Variants in SYBU observed in about 807,000 individuals in gnomAD.
SYBU encodes the protein GOLSYN A protein.
SYBU carries 21 observed loss-of-function variants against 35.9 expected under a neutral mutation model. That is an observed-to-expected ratio of 0.58 (90% CI 0.41 to 0.84). The LOEUF is 0.84. Among genes scored for constraint, SYBU ranks in the 40% least tolerant of loss-of-function variants. The pLI is 0.00. For missense variants in SYBU, 768 were observed against 848.2 expected (o/e 0.91, Z 1.17); for synonymous variants, 319 against 324.3 (o/e 0.98, Z 0.18).
intron 3 of SYBU, chr8:109,608,079 C>T: frequency 1.2e-6 from 1 of 821,806 alleles, no homozygotes; most frequent in Non-Finnish European, 1.8e-6. Flanking sequence ...TCTGCATGTG[C>T]AGGGCAAGGA....
intron 3 of SYBU, among the ~76,000 whole-genome samples, chr8:109,597,810 A>C (rs967823412): frequency 6.6e-6 from 1 of 152,242 alleles, no homozygotes; most frequent in East Asian, 1.9e-4. Flanking sequence ...TTTTTATCTA[A>C]GCATCTATGT....
chr8:109,616,898 G>A (rs1237078801), intron 3 of SYBU, among the ~76,000 whole-genome samples: 1 of 152,032 alleles, frequency 6.6e-6, no homozygotes, highest in Non-Finnish European at 1.5e-5. Context: ...CAGCACTTTG[G>A]GAGGCTGAGG....
chr8:109,661,922 C>T (rs1456561066), intron 1 of SYBU, among the ~76,000 whole-genome samples: 1 of 152,200 alleles, frequency 6.6e-6, no homozygotes, highest in Non-Finnish European at 1.5e-5. Context: ...CTTTTAACTT[C>T]ATTCTCATGC....
In SYBU at chr8:109,691,254, A is replaced by G; in HGVS notation, c.-58+79T>C. Reference sequence around the variant, plus strand: ...TCCGGAGCGCCCCATCACTGCCCTCATTGTACCGAAGACCATCAGTTGCCC... The same window carrying G: ...TCCGGAGCGCCCCATCACTGCCCTCGTTGTACCGAAGACCATCAGTTGCCC... On this transcript the variant is annotated intron_variant, in intron 1 of 7. Transcript: ENST00000422135. The surrounding 1 kb of genome is among the most constrained non-coding windows in gnomAD (Gnocchi z 4.7). 4.3e-6 allele frequency: 3 copies of G among 692,374 alleles called. No individual in the cohort carries two copies. The highest frequency in any genetic ancestry group is 5.3e-6 in the Non-Finnish European group (2 of 380,286). 42.9% of individuals were successfully genotyped at this position (692,374 alleles called of 1,614,324 possible). A position where few individuals can be genotyped will look rare whatever the true frequency, so the allele number is the denominator to read the frequency against.
intron 1 of SYBU, among the ~76,000 whole-genome samples, chr8:109,678,816 T>C (rs1259528540): frequency 6.6e-6 from 1 of 152,120 alleles, no homozygotes; most frequent in Non-Finnish European, 1.5e-5. Context: ...ATCTTAGAAT[T>C]ACAAGAAGAC....
chr8:109,655,224 C>T (rs1369881939), intron 1 of SYBU, among the ~76,000 whole-genome samples: 1 of 152,230 alleles, frequency 6.6e-6, no homozygotes, highest in Non-Finnish European at 1.5e-5. Flanking sequence ...CGTCCAGTTC[C>T]TTTTGCCTTT....
intron 3 of SYBU, among the ~76,000 whole-genome samples, chr8:109,588,397 A>G (rs1488030387): frequency 6.6e-6 from 1 of 152,196 alleles, no homozygotes; most frequent in South Asian, 2.1e-4. Flanking sequence ...TGCAGGGCCT[A>G]AGGTCACTTT....
intron 1 of SYBU, among the ~76,000 whole-genome samples, chr8:109,659,794 G>C (rs1344799597): frequency 6.6e-6 from 1 of 152,132 alleles, no homozygotes; most frequent in Admixed American, 6.5e-5. Context: ...TTGAGTATTA[G>C]TAGGGGAAAA....
In SYBU at chr8:109,584,560, T is replaced by A. The variant is rs995543223; in HGVS notation, c.530+1500A>T. On this transcript the variant is annotated intron_variant, in intron 4 of 6. Coordinates refer to ENST00000276646, the MANE Select transcript of SYBU (RefSeq NM_001099754.2). This position sits in a 1 kb window ranked among gnomAD's most constrained non-coding sequence, Gnocchi z 4.0. ...TTTACACAGAATGTTTACATTCATGTCCTATAATCCCAGAGGCACTTTATT... is the reference window on the plus strand; with the variant it reads ...TTTACACAGAATGTTTACATTCATGACCTATAATCCCAGAGGCACTTTATT... Among the ~76,000 whole-genome samples the A allele has an allele frequency of 6.6e-6, 1 of 152,198 alleles. No individual in the cohort carries two copies. The highest frequency in any genetic ancestry group is 1.5e-5 in the Non-Finnish European group (1 of 68,046).
intron 3 of SYBU, among the ~76,000 whole-genome samples, chr8:109,592,466 C>A (rs1824397018): frequency 6.6e-6 from 1 of 152,174 alleles, no homozygotes; most frequent in African/African-American, 2.4e-5. Context: ...TACTGCAGCT[C>A]TCATCTTTGC....
intron 2 of SYBU, among the ~76,000 whole-genome samples, chr8:109,626,253 C>T (rs965622302): frequency 2.0e-5 from 3 of 152,162 alleles, no homozygotes; most frequent in South Asian, 2.1e-4. Flanking sequence ...TCTCTCCATA[C>T]GTTCCTTTGT....
intron 3 of SYBU, among the ~76,000 whole-genome samples, chr8:109,609,502 G>A (rs897717392): frequency 6.6e-6 from 1 of 152,116 alleles, no homozygotes. Flanking sequence ...AATAGCTTTC[G>A]ATAATGAAGG....
rs1363416057 is a variant in SYBU at position 109,574,965 on chromosome 8, C to T, written c.1933G>A (p.Gly645Ser). 1 of 1,525,170 alleles carries T rather than the reference C, an allele frequency of 6.6e-7. No individual in the cohort carries two copies. The highest frequency in any genetic ancestry group is 8.8e-7 in the Non-Finnish European group (1 of 1,137,060). The allele number at this position is 1,525,170 out of a possible 1,614,324, so 94.5% of individuals were successfully genotyped here. A position where few individuals can be genotyped will look rare whatever the true frequency, so the allele number is the denominator to read the frequency against. Residue 645 changes from glycine (G) to serine (S), a missense_variant, in exon 7 of 7, where the codon GGC becomes AGC. By Grantham distance (56) the Gly-to-Ser change is moderately conservative. Transcript: ENST00000276646. ...GAATGCAGGGCAACCACGCAACAGC[C>T]CCTGAGCAAGGCCCCGATGTTATAC... ...PVYNIGALLR[G>S]CCVVALHSLR...
intron 2 of SYBU, among the ~76,000 whole-genome samples, chr8:109,640,327 T>C (rs952900028): frequency 2.0e-5 from 3 of 151,984 alleles, no homozygotes; most frequent in African/African-American, 7.3e-5. Flanking sequence ...CCTTCATATA[T>C]TCTAAAATAT....
intron 4 of SYBU, 82 bp downstream of exon 4, chr8:109,585,978 C>T: frequency 1.2e-6 from 1 of 854,288 alleles, no homozygotes; most frequent in South Asian, 1.6e-5. Flanking sequence ...GGACAGTAAT[C>T]CGGGTGGTTC....
At chr8:109,686,574 A>C (rs1447278122) in intron 1 of SYBU, among the ~76,000 whole-genome samples, 15 of 152,210 alleles carry the variant, frequency 9.9e-5, no homozygotes, top group Admixed American at 9.8e-4. Context: ...TTCCCCAGGC[A>C]CAGGTTAAAT....
chr8:109,666,953 A>G (rs2130752928), intron 1 of SYBU, among the ~76,000 whole-genome samples: 1 of 152,232 alleles, frequency 6.6e-6, no homozygotes, highest in South Asian at 2.1e-4. Context: ...TCTAATTTAA[A>G]TATCCCATCT....
At chr8:109,688,879 G>A (rs1253438152) in intron 1 of SYBU, among the ~76,000 whole-genome samples, 1 of 151,796 alleles carries the variant, frequency 6.6e-6, no homozygotes, top group African/African-American at 2.4e-5. Flanking sequence ...TAAATAAACA[G>A]AAATTGACTA....
intron 3 of SYBU, among the ~76,000 whole-genome samples, chr8:109,587,016 G>A (rs1823697688): frequency 6.6e-6 from 1 of 152,158 alleles, no homozygotes; most frequent in Non-Finnish European, 1.5e-5. Context: ...GGGAAGTAAG[G>A]GGAGGTGGAA....
Sources: gnomAD v4.1 joint callset for allele counts (sites outside exome capture counted in the v4.1 genomes callset) on GRCh38, gnomAD v4.1.1 for gene constraint, Gnocchi (gnomAD v3.1) non-coding constraint, MANE v1.5 for transcripts, NCBI Gene and HGNC (gene_info 2026-07-23, HGNC 2026-07-21) for gene names.